MTHFD2L: variants seen among roughly 807,000 people sequenced by gnomAD.
MTHFD2L encodes methylenetetrahydrofolate dehydrogenase (NADP+ dependent) 2 like.
Under a neutral mutation model 34.9 loss-of-function variants are expected in MTHFD2L, and 29 were observed. The observed-to-expected ratio is 0.83, with a 90% CI of 0.62 to 1.13. The LOEUF is 1.13. MTHFD2L is among the 50% of genes most tolerant of loss of function. The pLI, the probability that MTHFD2L is intolerant of heterozygous loss-of-function variation, is 0.00. For missense variants in MTHFD2L, 481 were observed against 446.5 expected, an observed-to-expected ratio of 1.08 and a Z score of -0.70; for synonymous variants, 167 against 155.7, an observed-to-expected ratio of 1.07 and a Z score of -0.54.
At chr4:74,209,968 ATGTT>A (rs1164553074) in intron 5 of MTHFD2L, among the ~76,000 whole-genome samples, 3 of 152,106 alleles carry the variant, frequency 2.0e-5, no homozygotes, top group African/African-American at 7.2e-5. Context: ...TTTTTTAAAT[ATGTT>A]TGTTGGCTGC....
intron 6 of MTHFD2L, among the ~76,000 whole-genome samples, chr4:74,274,011 G>GT: frequency 1.5e-5 from 2 of 131,634 alleles, no homozygotes; most frequent in East Asian, 4.1e-4. Flanking sequence ...AGAACAGTTT[G>GT]ATTTTTTTTT....
chr4:74,205,811 C>G (rs190072706), intron 5 of MTHFD2L, among the ~76,000 whole-genome samples: 1 of 152,010 alleles, frequency 6.6e-6, no homozygotes, highest in East Asian at 1.9e-4. Flanking sequence ...CCTCCCAGAG[C>G]TATAGTCTTG....
intron 6 of MTHFD2L, among the ~76,000 whole-genome samples, chr4:74,255,708 A>G (rs769028901): frequency 1.3e-5 from 2 of 152,058 alleles, no homozygotes; most frequent in Non-Finnish European, 2.9e-5. Flanking sequence ...TGATTACCTA[A>G]TGTTTAGCTC....
chr4:74,213,987 A>G (rs1256022500), intron 5 of MTHFD2L, among the ~76,000 whole-genome samples: 5 of 150,788 alleles, frequency 3.3e-5, no homozygotes, highest in African/African-American at 1.2e-4. Context: ...CCTTTCTTCC[A>G]CTTGATCAAT....
intron 1 of MTHFD2L, among the ~76,000 whole-genome samples, chr4:74,172,494 C>T (rs1728213740): frequency 6.6e-6 from 1 of 152,074 alleles, no homozygotes; most frequent in South Asian, 2.1e-4. Flanking sequence ...CTTAGAATGT[C>T]TAGTTGTGAT....
intron 5 of MTHFD2L, among the ~76,000 whole-genome samples, chr4:74,206,277 G>A (rs990582398): frequency 2.6e-5 from 4 of 152,144 alleles, no homozygotes; most frequent in African/African-American, 9.7e-5. Context: ...GTAAATGTCT[G>A]TGTGTCTTGT....
chr4:74,158,456 A>C (rs990874345), intron 1 of MTHFD2L, 175 bp downstream of exon 1: 2 of 279,820 alleles, frequency 7.1e-6, no homozygotes, highest in Non-Finnish European at 1.1e-5. Context: ...GGCGAGTCGC[A>C]GTTGCCTCAG....
chr4:74,135,071 T>C (rs1722811945), intron 1 of MTHFD2L, among the ~76,000 whole-genome samples: 1 of 152,146 alleles, frequency 6.6e-6, no homozygotes, highest in African/African-American at 2.4e-5. Flanking sequence ...AAGAGAATAC[T>C]TTCCAAAACA....
chr4:74,180,638 T>A (rs771895629), intron 3 of MTHFD2L: 44 of 417,402 alleles, frequency 1.1e-4, no homozygotes, highest in Non-Finnish European at 5.0e-6. Flanking sequence ...AATTCTGTCC[T>A]GTTTAATGGT....
intron 3 of MTHFD2L, among the ~76,000 whole-genome samples, chr4:74,185,867 G>T (rs1346611899): frequency 1.3e-5 from 2 of 152,132 alleles, no homozygotes; most frequent in African/African-American, 2.4e-5. Context: ...AAGAGGGAAT[G>T]CTTTCTAACA....
At chr4:74,249,766 C>G (rs1256468068) in intron 6 of MTHFD2L, among the ~76,000 whole-genome samples, 1 of 152,220 alleles carries the variant, frequency 6.6e-6, no homozygotes, top group South Asian at 2.1e-4. Context: ...ATATGAAATT[C>G]TGGGTTGAAA....
intron 3 of MTHFD2L, among the ~76,000 whole-genome samples, chr4:74,185,293 G>A (rs1439292538): frequency 6.6e-6 from 1 of 150,438 alleles, no homozygotes; most frequent in African/African-American, 2.4e-5. Context: ...TTGTGAAAAT[G>A]TAACACATCA....
At chr4:74,156,391 T>C (rs1349857461), upstream of MTHFD2L, 1 of 152,220 alleles carries the variant, frequency 6.6e-6, no homozygotes, top group Non-Finnish European at 1.5e-5. Flanking sequence ...AAGATTCATC[T>C]ACGTCTTTTT....
chr4:74,162,812 C>T (rs953881011), intron 1 of MTHFD2L, among the ~76,000 whole-genome samples: 1 of 152,142 alleles, frequency 6.6e-6, no homozygotes, highest in African/African-American at 2.4e-5. Flanking sequence ...AAGGCTTGAA[C>T]CCACATCATC....
chr4:74,183,253 T>A (rs538444), intron 3 of MTHFD2L: 150,950 of 152,348 alleles, frequency 0.99, 74,798 homozygotes, highest in Middle Eastern at 1. Flanking sequence ...TAAACCCAAA[T>A]TTCTATACCT....
At chr4:74,291,063 G>A (rs538465456) in intron 7 of MTHFD2L, among the ~76,000 whole-genome samples, 2 of 100,770 alleles carry the variant, frequency 2.0e-5, no homozygotes, top group South Asian at 7.5e-4. Flanking sequence ...TGTTGCCCAG[G>A]CTGGAGTGCA....
At chr4:74,155,319 C>T (rs1724174559), upstream of MTHFD2L, among the ~76,000 whole-genome samples, 1 of 152,142 alleles carries the variant, frequency 6.6e-6, no homozygotes, top group Admixed American at 6.5e-5. Context: ...CCATTCCTCA[C>T]AGCACATTTA....
chr4:74,277,737 G>T (rs1398092802), intron 6 of MTHFD2L, among the ~76,000 whole-genome samples: 1 of 151,784 alleles, frequency 6.6e-6, no homozygotes, highest in East Asian at 1.9e-4. Context: ...TTCCTGATTT[G>T]CAGTTTAACA....
chr4:74,206,221 TA>T (rs1250047087), intron 5 of MTHFD2L, among the ~76,000 whole-genome samples: 1 of 151,920 alleles, frequency 6.6e-6, no homozygotes, highest in Non-Finnish European at 1.5e-5. Flanking sequence ...GGCAGAGGTT[TA>T]AAAAGGGAAA....
Sources: gnomAD v4.1 joint callset for allele counts (sites outside exome capture counted in the v4.1 genomes callset) on GRCh38, gnomAD v4.1.1 for gene constraint, MANE v1.5 for transcripts, NCBI Gene and HGNC (gene_info 2026-07-23, HGNC 2026-07-21) for gene names.